Variants in KIF9 observed in about 807,000 individuals in gnomAD.
The protein encoded by KIF9 is kinesin family member 9.
KIF9 carries 68 observed loss-of-function variants against 94.8 expected under a neutral mutation model. The ratio of observed to expected loss-of-function variants is 0.72; its 90% confidence interval spans 0.59 to 0.88. The LOEUF is 0.88. KIF9 is among the 40% of genes least tolerant of loss of function. The pLI is 0.00. For synonymous variants in KIF9, 343 were observed against 362.1 expected (o/e 0.95, Z 0.60); for missense variants, 882 against 982.5 (o/e 0.90, Z 1.37).
intron 10 of KIF9, among the ~76,000 whole-genome samples, chr3:47,252,764 C>A (rs1559442757): frequency 2.6e-5 from 4 of 152,100 alleles, no homozygotes; most frequent in Admixed American, 2.0e-4. Context: ...CTTGCAATCC[C>A]AGCCCTTTGG....
At chr3:47,261,661 C>G (rs1385438024) in intron 9 of KIF9, among the ~76,000 whole-genome samples, 1 of 152,202 alleles carries the variant, frequency 6.6e-6, no homozygotes, top group East Asian at 1.9e-4. Context: ...GCTCAGAGCT[C>G]AGCCACTGAC....
intron 1 of KIF9, among the ~76,000 whole-genome samples, chr3:47,279,653 A>G (rs1042737839): frequency 2.7e-4 from 41 of 149,806 alleles, no homozygotes; most frequent in African/African-American, 1.0e-3. Flanking sequence ...GTCTCGCTCT[A>G]TCACCCAGGT....
intron 10 of KIF9, among the ~76,000 whole-genome samples, chr3:47,256,005 G>A (rs990943589): frequency 1.3e-5 from 2 of 152,214 alleles, no homozygotes; most frequent in Non-Finnish European, 2.9e-5. Flanking sequence ...CGAGTGATCC[G>A]CCAGCCCCGG....
intron 17 of KIF9, among the ~76,000 whole-genome samples, chr3:47,237,416 G>A (rs943871954): frequency 6.6e-6 from 1 of 152,198 alleles, no homozygotes; most frequent in African/African-American, 2.4e-5. Flanking sequence ...TCTTGTTAGA[G>A]ATGATTAGAC....
chr3:47,274,125 A>C (rs946275086), intron 3 of KIF9, among the ~76,000 whole-genome samples: 3 of 152,208 alleles, frequency 2.0e-5, no homozygotes, highest in Non-Finnish European at 4.4e-5. Context: ...GAAGAGATGG[A>C]GTGGAAAGGG....
At chr3:47,232,898 C>T (rs1460004567) in intron 20 of KIF9, among the ~76,000 whole-genome samples, 1 of 148,058 alleles carries the variant, frequency 6.8e-6, no homozygotes, top group Non-Finnish European at 1.5e-5. Context: ...AGGAGAATGG[C>T]GTGAACCCGG....
chr3:47,245,313 G>A, intron 14 of KIF9, 108 bp downstream of exon 14: 1 of 852,994 alleles, frequency 1.2e-6, no homozygotes, highest in South Asian at 1.4e-5. Context: ...ACCTTTATCT[G>A]TTGCAATCCT....
chr3:47,273,680 G>T, intron 3 of KIF9, 22 bp from the exon 4 acceptor site: 1 of 1,594,482 alleles, frequency 6.3e-7, no homozygotes. Context: ...TCAAAACACG[G>T]TGACATCCAG....
intron 15 of KIF9, 27 bp from the exon 16 acceptor site, chr3:47,243,272 G>C: frequency 6.3e-7 from 1 of 1,589,754 alleles, no homozygotes; most frequent in Non-Finnish European, 8.6e-7. Context: ...AAGCCCCAGG[G>C]TTCAGTCATG....
chr3:47,271,609 G>C, intron 4 of KIF9, 148 bp from the exon 5 acceptor site: 1 of 646,794 alleles, frequency 1.5e-6, no homozygotes, highest in East Asian at 2.7e-5. Context: ...GTATCATCTT[G>C]TAGTGTTTTG....
intron 4 of KIF9, among the ~76,000 whole-genome samples, chr3:47,271,958 A>G (rs1176543307): frequency 6.6e-6 from 1 of 152,076 alleles, no homozygotes; most frequent in African/African-American, 2.4e-5. Flanking sequence ...TGTCTCTACT[A>G]AAATTACACA....
intron 11 of KIF9, among the ~76,000 whole-genome samples, 178 bp downstream of exon 11, chr3:47,247,840 C>T (rs1032107666): frequency 3.3e-5 from 5 of 152,158 alleles, no homozygotes; most frequent in Admixed American, 6.5e-5. Context: ...GAGGACTCTG[C>T]TCCCAACCCC....
At chr3:47,256,904 C>T (rs982973639) in intron 10 of KIF9, among the ~76,000 whole-genome samples, 13 of 152,106 alleles carry the variant, frequency 8.5e-5, no homozygotes, top group South Asian at 2.1e-4. Context: ...GGATTAAGGG[C>T]GGTGCAAGAT....
Position 47,245,444 on chromosome 3 carries a change from C to G in KIF9, c.1357G>C (p.Ala453Pro). 6.2e-7 allele frequency: 1 copy of G among 1,613,972 alleles called. No homozygotes were observed. The highest frequency in any genetic ancestry group is 1.1e-5 in the South Asian group (1 of 91,068). The change falls in exon 14 of 21, where the codon GCA becomes CCA. Residue 453 changes from alanine (A) to proline (P), a missense_variant. Ala to Pro is a conservative substitution (Grantham distance 27). Coordinates refer to ENST00000684063, the MANE Select transcript of KIF9 (RefSeq NM_182902.4). Reference protein sequence around the residue: ...KYTLIDRNDFAAISAIQKAGL... With the variant: ...KYTLIDRNDFPAISAIQKAGL... ...ACCTTCTGGATAGCAGAAATGGCTG[C>G]AAAGTCATTCCTGTCAATGAGGGTG...
intron 9 of KIF9, among the ~76,000 whole-genome samples, chr3:47,261,389 T>A (rs541019707): frequency 6.6e-6 from 1 of 152,188 alleles, no homozygotes; most frequent in African/African-American, 2.4e-5. Flanking sequence ...TGGAGGCCTA[T>A]GAGGCAGCTA....
intron 2 of KIF9, 122 bp from the exon 3 acceptor site, chr3:47,275,612 G>C: frequency 1.4e-6 from 1 of 698,184 alleles, no homozygotes; most frequent in South Asian, 1.8e-5. Flanking sequence ...GGATGAATGG[G>C]GACTCCCACG....
intron 19 of KIF9, among the ~76,000 whole-genome samples, 181 bp downstream of exon 19, chr3:47,235,852 AT>A (rs1288736482): frequency 6.6e-6 from 1 of 152,132 alleles, no homozygotes; most frequent in African/African-American, 2.4e-5. Context: ...TAAGAGTGGT[AT>A]TTTCCCCCAT....
chr3:47,275,559 T>G, intron 2 of KIF9, 69 bp from the exon 3 acceptor site: 3 of 1,193,956 alleles, frequency 2.5e-6, no homozygotes, highest in Non-Finnish European at 3.7e-6. Flanking sequence ...AAATCACTGA[T>G]AGCTGAGGCC....
intron 9 of KIF9, chr3:47,263,694 C>G (rs1559455427): frequency 2.8e-6 from 1 of 362,544 alleles, no homozygotes; most frequent in Non-Finnish European, 5.4e-6. Context: ...CCCATCACCC[C>G]CATCCTGGCC....
Sources: allele counts gnomAD v4.1 joint callset (sites outside exome capture counted in the v4.1 genomes callset), GRCh38; gene constraint gnomAD v4.1.1; transcripts MANE v1.5; gene names NCBI Gene and HGNC (gene_info 2026-07-23, HGNC 2026-07-21).